Variants in KIF26B observed in about 807,000 individuals in gnomAD.
KIF26B encodes kinesin-like protein KIF26B.
Under a neutral mutation model 151.2 loss-of-function variants are expected in KIF26B, and 63 were observed. That is an observed-to-expected ratio of 0.42 (90% CI 0.34 to 0.51). The LOEUF (loss-of-function observed/expected upper bound fraction) is 0.51. Ranked by LOEUF, KIF26B falls within the 20% of genes least tolerant of loss-of-function variation. The pLI, the probability that KIF26B is intolerant of heterozygous loss-of-function variation, is 0.07. For missense variants in KIF26B, 2,813 were observed against 2,913.6 expected, an observed-to-expected ratio of 0.97 and a Z score of 0.79; for synonymous variants, 1,357 against 1,262.1, an observed-to-expected ratio of 1.08 and a Z score of -1.59.
At chr1:245,210,867 T>A (rs73127129) in intron 2 of KIF26B, among the ~76,000 whole-genome samples, 1,920 of 152,202 alleles carry the variant, frequency 0.013, 38 homozygotes, top group African/African-American at 0.043. Flanking sequence ...CAGACAAACC[T>A]CCTAGACATA....
chr1:245,607,690 T>C lies in KIF26B; in HGVS notation c.1597T>C (p.Ser533Pro), dbSNP rs1185641815. 1 of 1,613,150 alleles carries C rather than the reference T, an allele frequency of 6.2e-7. No individual in the cohort carries two copies. Among genetic ancestry groups the C allele is most frequent in the Admixed American group, 1.7e-5 (1 of 59,950 alleles). The stretch of plus-strand genomic sequence containing the variant: ...AGGCACCGTGGCAGAGGTGATCCAG[T>C]CTGTGGTCAACGGGGCAGATGGCTG... Reference protein sequence around the residue: ...CAGTVAEVIQSVVNGADGCVF... With the variant: ...CAGTVAEVIQPVVNGADGCVF... The change falls in exon 7 of 15, where the codon TCT (serine) becomes CCT (proline). Residue 533 changes from serine to proline, a missense_variant. Around this residue, in one of 3 missense-constraint regions of KIF26B, gnomAD observed 77 missense variants for 136.9 expected, o/e 0.56. Coordinates refer to ENST00000407071, the MANE Select transcript of KIF26B (RefSeq NM_018012.4).
chr1:245,382,905 G>T (rs1673445843), intron 3 of KIF26B, among the ~76,000 whole-genome samples: 1 of 149,444 alleles, frequency 6.7e-6, no homozygotes, highest in Admixed American at 6.7e-5. Flanking sequence ...ATTCTATATT[G>T]TATATATATA....
At chr1:245,338,624 C>A (rs1241854489) in intron 2 of KIF26B, among the ~76,000 whole-genome samples, 2 of 152,212 alleles carry the variant, frequency 1.3e-5, no homozygotes, top group Non-Finnish European at 1.5e-5. Flanking sequence ...GTGAGCACCA[C>A]ATTCTCAGAC....
rs139730606 is a variant in KIF26B, at chr1:245,606,423, C to T, written c.1558-1228C>T. Reference sequence around the variant, plus strand: ...CCGGAGCTCCCACGAGCCCTGACTCCGGCCCCGAGACAGAAATGAAAGCAA... The same window carrying T: ...CCGGAGCTCCCACGAGCCCTGACTCTGGCCCCGAGACAGAAATGAAAGCAA... On this transcript the variant is annotated intron_variant, in intron 6 of 14. Transcript: ENST00000407071. This position sits in a 1 kb window ranked among gnomAD's most constrained non-coding sequence, Gnocchi z 4.6. Among the ~76,000 whole-genome samples the T allele has an allele frequency of 1.5e-4, 23 of 151,646 alleles. No individual in the cohort carries two copies. The South Asian group carries it at 2.1e-3, about 14-fold the overall frequency.
chr1:245,510,920 T>A (rs1660820624), intron 4 of KIF26B: 1 of 604,742 alleles, frequency 1.7e-6, no homozygotes, highest in South Asian at 2.1e-5. Flanking sequence ...TTCACCAGGG[T>A]CTGCTCTGAG....
chr1:245,330,801 GGGGGGAGAGTC>G (rs1286956793), intron 2 of KIF26B, among the ~76,000 whole-genome samples: 9 of 81,212 alleles, frequency 1.1e-4, no homozygotes, highest in South Asian at 8.9e-4. Context: ...GCGGGGTAAT[GGGGGGAGAGTC>G]GGGGGAGAGT....
chr1:245,697,383 G>A (rs1028206246), intron 12 of KIF26B, among the ~76,000 whole-genome samples: 1 of 152,176 alleles, frequency 6.6e-6, no homozygotes, highest in Non-Finnish European at 1.5e-5. Flanking sequence ...TCGTCACAAC[G>A]TGTGAAGTGT....
intron 4 of KIF26B, among the ~76,000 whole-genome samples, chr1:245,465,096 A>G (rs1659753444): frequency 6.8e-6 from 1 of 146,030 alleles, no homozygotes; most frequent in Non-Finnish European, 1.5e-5. Flanking sequence ...CTCCTGCCTC[A>G]GCCTCCCGAG....
chr1:245,416,280 CAAA>C lies in KIF26B; in HGVS notation c.1000-3282_1000-3280del, dbSNP rs34744401. ...GGGCAACAAGAGCGAAACTCTGTCT[CAAA>C]AAAAAAAAAAAAAAAAGAATCAAAC... On this transcript the variant is annotated intron_variant, in intron 3 of 14. Transcript: ENST00000407071. Among the ~76,000 whole-genome samples, 35 of 51,420 alleles carry C rather than the reference CAAA, an allele frequency of 6.8e-4. 1 individual carries two copies. The highest frequency in any genetic ancestry group is 1.9e-3 in the African/African-American group (28 of 15,070). 33.7% of individuals were successfully genotyped at this position (51,420 alleles called of 152,430 possible).
intron 2 of KIF26B, among the ~76,000 whole-genome samples, chr1:245,268,744 G>T (rs554865771): frequency 6.6e-6 from 1 of 152,080 alleles, no homozygotes; most frequent in Admixed American, 6.5e-5. Context: ...AGTCATCCCT[G>T]GTTAAATATT....
In KIF26B at chr1:245,682,751, C is replaced by T. The variant is rs561433777; in HGVS notation, c.2259-1482C>T. On this transcript the variant is annotated intron_variant, in intron 10 of 14. Transcript: ENST00000407071. ...CTAACTGAGCAGAACTCACCCTCCA[C>T]TGCGCATATTGAAGACAGAGCCCAA... Among the ~76,000 whole-genome samples the T allele has an allele frequency of 2.6e-5, 4 of 152,338 alleles. No individual in the cohort carries two copies. In the East Asian group the frequency reaches 7.7e-4, roughly 29 times the overall value.
In KIF26B at chr1:245,705,461, G is replaced by A. The variant is rs565730656; in HGVS notation, c.*2855G>A. On this transcript the variant is annotated 3_prime_UTR_variant, in exon 15 of 15. Coordinates refer to ENST00000407071, the MANE Select transcript of KIF26B (RefSeq NM_018012.4). ...TCTGAAGCAGTCCCAGTCACGGGAGGATGCCTTACCCAGTGGCCAGACATG... is the reference window on the plus strand; with the variant it reads ...TCTGAAGCAGTCCCAGTCACGGGAGAATGCCTTACCCAGTGGCCAGACATG... 6.6e-6 allele frequency: 1 copy of A among 152,254 alleles called. No individual in the cohort carries two copies. Among genetic ancestry groups the A allele is most frequent in the African/African-American group, 2.4e-5 (1 of 41,542 alleles). 9.4% of individuals were successfully genotyped at this position (152,254 alleles called of 1,614,324 possible).
intron 2 of KIF26B, among the ~76,000 whole-genome samples, chr1:245,181,296 C>G (rs2103527531): frequency 6.6e-6 from 1 of 152,180 alleles, no homozygotes; most frequent in Admixed American, 6.5e-5. Flanking sequence ...AATTAGCTCT[C>G]ACCCTGAGAA....
rs531724172 is a variant in KIF26B at position 245,332,942 on chromosome 1, C to T, written c.466-33892C>T. 2.0e-5 allele frequency among the ~76,000 whole-genome samples: 3 copies of T among 152,252 alleles called. No homozygotes were observed. In the South Asian group the frequency reaches 6.2e-4, roughly 32 times the overall value. ...GTATTTTCAATGGGTCTCTCCAAAT[C>T]CAGCAGAAAAAGGGCAAAATGTAGG... On this transcript the variant is annotated intron_variant, in intron 2 of 14. Transcript: ENST00000407071.
At chr1:245,589,923 A>G (rs898933177) in intron 5 of KIF26B, among the ~76,000 whole-genome samples, 8 of 152,250 alleles carry the variant, frequency 5.3e-5, no homozygotes, top group Non-Finnish European at 1.0e-4. Flanking sequence ...AGTGAGCTGC[A>G]GAGAAGAAAA....
chr1:245,648,890 C>T (rs1321199536), intron 10 of KIF26B, among the ~76,000 whole-genome samples: 4 of 152,214 alleles, frequency 2.6e-5, no homozygotes, highest in African/African-American at 9.6e-5. Flanking sequence ...CAGCACAAGA[C>T]CCAATCCTGG....
chr1:245,336,460 G>A (rs1037753900), intron 2 of KIF26B, among the ~76,000 whole-genome samples: 4 of 152,194 alleles, frequency 2.6e-5, no homozygotes, highest in African/African-American at 9.7e-5. Context: ...GGTGAAGGTC[G>A]CAGTGACCTT....
chr1:245,271,272 G>T lies in KIF26B; in HGVS notation c.466-95562G>T, dbSNP rs911710920. 5.4e-5 allele frequency among the ~76,000 whole-genome samples: 8 copies of T among 148,848 alleles called. No homozygotes were observed. In the Admixed American group the frequency reaches 5.7e-4, roughly 11 times the overall value. On this transcript the variant is annotated intron_variant, in intron 2 of 14. Coordinates refer to ENST00000407071, the MANE Select transcript of KIF26B (RefSeq NM_018012.4). ...TTGGTTCCATGTGAATTTTAGGACT[G>T]TTTTTTTCTATTCTTCAAAAAATGC...
At chr1:245,219,630 A>G (rs1669723696) in intron 2 of KIF26B, among the ~76,000 whole-genome samples, 1 of 152,076 alleles carries the variant, frequency 6.6e-6, no homozygotes, top group African/African-American at 2.4e-5. Flanking sequence ...GCTACTCAGG[A>G]GGCTGAGGCG....
Sources: allele counts gnomAD v4.1 joint callset (sites outside exome capture counted in the v4.1 genomes callset), GRCh38; gene constraint gnomAD v4.1.1; regional missense constraint gnomAD v4.1.1; non-coding constraint Gnocchi (gnomAD v3.1); transcripts MANE v1.5; gene names NCBI Gene and HGNC (gene_info 2026-07-23, HGNC 2026-07-21).